Variants in CDKN1B observed in about 807,000 individuals in gnomAD.
CDKN1B encodes the protein cyclin-dependent kinase inhibitor 1B.
Under a neutral mutation model 17.1 loss-of-function variants are expected in CDKN1B, and 7 were observed. The ratio of observed to expected loss-of-function variants is 0.41; its 90% CI spans 0.23 to 0.77. CDKN1B has a LOEUF of 0.77. CDKN1B is among the 30% of genes least tolerant of loss of function. The pLI is 0.33. For missense variants in CDKN1B, 337 were observed against 262.0 expected, an observed-to-expected ratio of 1.29 and a Z score of -1.98; for synonymous variants, 149 against 104.3, an observed-to-expected ratio of 1.43 and a Z score of -2.61.
chr12:12,719,110 A>T, intron 2 of CDKN1B, 156 bp downstream of exon 2: 1 of 831,768 alleles, frequency 1.2e-6, no homozygotes, highest in Non-Finnish European at 1.9e-6. Context: ...AAGGCTGGGG[A>T]TACGGTAATT....
At position 12,718,249 on chromosome 12, in the gene CDKN1B, C is replaced by G. The variant is rs369871673; in HGVS notation, c.410C>G (p.Pro137Arg). The G allele has an allele frequency of 6.2e-7, 1 of 1,610,866 alleles. No individual in the cohort carries two copies. Among genetic ancestry groups the G allele is most frequent in the Non-Finnish European group, 8.5e-7 (1 of 1,179,896 alleles). ...CATTTGGTGGACCCAAAGACTGATCCGTCGGACAGCCAGACGGGGTTAGCG... is the reference window on the plus strand; with the variant it reads ...CATTTGGTGGACCCAAAGACTGATCGGTCGGACAGCCAGACGGGGTTAGCG... Reference protein sequence around the residue: ...DTHLVDPKTDPSDSQTGLAEQ... With the variant: ...DTHLVDPKTDRSDSQTGLAEQ... Residue 137 changes from proline to arginine, a missense_variant, in exon 1 of 3, where the codon CCG becomes CGG. Pro to Arg is a moderately radical substitution (Grantham distance 103, BLOSUM62 -2). Coordinates refer to ENST00000228872, the MANE Select transcript of CDKN1B (RefSeq NM_004064.5).
In CDKN1B at chr12:12,718,222, C is replaced by T. The variant is rs761235464; in HGVS notation, c.383C>T (p.Thr128Met). The T allele has an allele frequency of 8.1e-6, 13 of 1,612,672 alleles. No homozygotes were observed. In the African/African-American group the frequency reaches 1.1e-4, roughly 13 times the overall value. Residue 128 changes from threonine (T) to methionine (M), a missense_variant, in exon 1 of 3, where the codon ACG (threonine) becomes ATG (methionine). By Grantham distance (81) the Thr-to-Met change is moderately conservative. Transcript: ENST00000228872. ...LIGAPANSED[T>M]HLVDPKTDPS... is the part of the protein sequence containing the mutation. ...GGGGCTCCGGCTAACTCTGAGGACA[C>T]GCATTTGGTGGACCCAAAGACTGAT... is the stretch of plus-strand genomic sequence containing the variant.
intron 2 of CDKN1B, chr12:12,719,439 C>T (rs746590934): frequency 1.6e-4 from 31 of 199,114 alleles, no homozygotes; most frequent in East Asian, 1.1e-3. Flanking sequence ...TTTGGTTATG[C>T]AAGGGATTAG....
chr12:12,718,530 C>T (rs560309707), intron 1 of CDKN1B, among the ~76,000 whole-genome samples: 1 of 152,306 alleles, frequency 6.6e-6, no homozygotes, highest in Non-Finnish European at 1.5e-5. Context: ...ATTTCCCTAA[C>T]TTAATACATC....
At chr12:12,718,778 T>C (rs759221715) in intron 1 of CDKN1B, 47 bp from the exon 2 acceptor site, 3 of 1,612,048 alleles carry the variant, frequency 1.9e-6, no homozygotes, top group East Asian at 2.2e-5. Context: ...CATTGTTTTT[T>C]CTAATAAAGA....
rs1162994373 is a variant in CDKN1B at position 12,717,615 on chromosome 12, A to C, written c.-225A>C. 1 of 1,445,810 alleles carries C rather than the reference A, an allele frequency of 6.9e-7. No individual in the cohort carries two copies. Among genetic ancestry groups the C allele is most frequent in the African/African-American group, 1.4e-5 (1 of 69,798 alleles). 89.6% of individuals were successfully genotyped at this position (1,445,810 alleles called of 1,614,324 possible). ...TCTCCTCTCCGCCCTCCCGCTCGCC[A>C]GTCCATTTGATCAGCGGAGACTCGG... is the stretch of plus-strand genomic sequence containing the variant. On this transcript the variant is annotated 5_prime_UTR_variant, in exon 1 of 3. Transcript: ENST00000228872.
At position 12,718,283 on chromosome 12, in the gene CDKN1B, C is replaced by A. The variant is rs1302236491; in HGVS notation, c.444C>A (p.Cys148Ter). The change falls in exon 1 of 3, where the codon TGC (cysteine) becomes TGA (stop). Residue 148 changes from cysteine to a stop codon, truncating the protein, a stop_gained. Transcript: ENST00000228872. LOFTEE classifies it high-confidence loss of function. The part of the protein sequence containing the change: ...SDSQTGLAEQ[C>*]AGIRKRPATD... ...GCCAGACGGGGTTAGCGGAGCAATGCGCAGGAATAAGGAAGCGACCTGCAA... is the reference window on the plus strand; with the variant it reads ...GCCAGACGGGGTTAGCGGAGCAATGAGCAGGAATAAGGAAGCGACCTGCAA... 6.2e-7 allele frequency: 1 copy of A among 1,606,188 alleles called. No individual in the cohort carries two copies. The highest frequency in any genetic ancestry group is 8.5e-7 in the Non-Finnish European group (1 of 1,179,968).
chr12:12,717,915 C>T lies in CDKN1B; in HGVS notation c.76C>T (p.Pro26Ser), dbSNP rs2136355486. 4 of 1,614,172 alleles carry T rather than the reference C, an allele frequency of 2.5e-6. No individual in the cohort carries two copies. Among genetic ancestry groups the T allele is most frequent in the Non-Finnish European group, 2.5e-6 (3 of 1,180,034 alleles). Residue 26 changes from proline (P) to serine (S), a missense_variant, in exon 1 of 3, where the codon CCC becomes TCC. Transcript: ENST00000228872. ...CGCCAGGCAGGCGGAGCACCCCAAG[C>T]CCTCGGCCTGCAGGAACCTCTTCGG... Reference protein sequence around the residue: ...MDARQAEHPKPSACRNLFGPV... With the variant: ...MDARQAEHPKSSACRNLFGPV...
At chr12:12,720,611 T>A (rs1467384497) in intron 2 of CDKN1B, among the ~76,000 whole-genome samples, 1 of 152,126 alleles carries the variant, frequency 6.6e-6, no homozygotes, top group Non-Finnish European at 1.5e-5. Flanking sequence ...TTATTTAGAG[T>A]AGGGTTTCTC....
At position 12,721,038 on chromosome 12, in the gene CDKN1B, T is replaced by C. The variant is rs1385207522; in HGVS notation, c.*11T>C. The C allele has an allele frequency of 2.8e-6, 2 of 712,080 alleles. No individual in the cohort carries two copies. Among genetic ancestry groups the C allele is most frequent in the Non-Finnish European group, 2.6e-6 (1 of 386,856 alleles). 44.1% of individuals were successfully genotyped at this position (712,080 alleles called of 1,614,324 possible). A position where few individuals can be genotyped will look rare whatever the true frequency, so the allele number is the denominator to read the frequency against. On this transcript the variant is annotated splice_region_variant and 3_prime_UTR_variant, in exon 3 of 3. Transcript: ENST00000228872. The stretch of plus-strand genomic sequence containing the variant: ...TTCCGTTTTGTTTTCTTTTGCAGAA[T>C]TAAGAATATGTTTCCTTGTTTATCA...
chr12:12,717,914 G>A lies in CDKN1B; in HGVS notation c.75G>A (p.Lys25=), dbSNP rs367611328. The A allele has an allele frequency of 1.4e-4, 222 of 1,614,088 alleles. No individual in the cohort carries two copies. The highest frequency in any genetic ancestry group is 1.7e-4 in the Non-Finnish European group (196 of 1,180,060). ...ACGCCAGGCAGGCGGAGCACCCCAA[G>A]CCCTCGGCCTGCAGGAACCTCTTCG... ...RMDARQAEHP[K]PSACRNLFGP... Residue 25 remains lysine (K), a synonymous_variant, in exon 1 of 3, where the codon AAG becomes AAA. Coordinates refer to ENST00000228872, the MANE Select transcript of CDKN1B (RefSeq NM_004064.5).
chr12:12,717,422 T>C lies in CDKN1B; in HGVS notation c.-418T>C, dbSNP rs1946475203. Reference sequence around the variant, plus strand: ...TATTGGGCCACTAAAAAAAGGGGGCTCGTCTTTTCGGGGTGTTTTTCTCCC... The same window carrying C: ...TATTGGGCCACTAAAAAAAGGGGGCCCGTCTTTTCGGGGTGTTTTTCTCCC... On this transcript the variant is annotated 5_prime_UTR_variant, in exon 1 of 3. Transcript: ENST00000228872. 1.6e-6 allele frequency: 2 copies of C among 1,222,110 alleles called. No homozygotes were observed. Among genetic ancestry groups the C allele is most frequent in the Admixed American group, 4.1e-5 (1 of 24,256 alleles). The allele number at this position is 1,222,110 out of a possible 1,614,324, so 75.7% of individuals were successfully genotyped here.
chr12:12,719,083 A>G (rs542173844), intron 2 of CDKN1B, 129 bp downstream of exon 2: 1 of 1,139,474 alleles, frequency 8.8e-7, no homozygotes, highest in East Asian at 2.5e-5. Context: ...CGTGAGGTCA[A>G]AAAAGTAGCA....
At chr12:12,719,690 C>T (rs545680350) in intron 2 of CDKN1B, among the ~76,000 whole-genome samples, 5 of 152,246 alleles carry the variant, frequency 3.3e-5, no homozygotes, top group African/African-American at 7.2e-5. Context: ...GCTAATTGTG[C>T]CGTAACAGGG....
Position 12,718,319 on chromosome 12 carries a change from T to C in CDKN1B, c.475+5T>C, listed in dbSNP as rs781394293. 12 of 1,599,816 alleles carry C rather than the reference T, an allele frequency of 7.5e-6. No individual in the cohort carries two copies. The Admixed American group carries it at 1.8e-4, about 24-fold the overall frequency. On this transcript the variant is annotated splice_donor_5th_base_variant and intron_variant, in intron 1 of 2. Transcript: ENST00000228872. Reference sequence around the variant, plus strand: ...GGAAGCGACCTGCAACCGACGGTAATGACCCTTTCCCAACCATAGAATGTG... The same window carrying C: ...GGAAGCGACCTGCAACCGACGGTAACGACCCTTTCCCAACCATAGAATGTG...
At chr12:12,718,712 G>T in intron 1 of CDKN1B, 113 bp from the exon 2 acceptor site, 2 of 1,209,804 alleles carry the variant, frequency 1.7e-6, no homozygotes, top group Non-Finnish European at 2.4e-6. Flanking sequence ...ATCCAGGATT[G>T]TGGGTGGAGG....
chr12:12,720,114 A>G (rs1465825034), intron 2 of CDKN1B, among the ~76,000 whole-genome samples: 1 of 152,224 alleles, frequency 6.6e-6, no homozygotes, highest in African/African-American at 2.4e-5. Flanking sequence ...AAACGGCACT[A>G]TAGAACCTCC....
In CDKN1B at chr12:12,721,099, C is replaced by G. The variant is rs763422475; in HGVS notation, c.*72C>G. On this transcript the variant is annotated 3_prime_UTR_variant, in exon 3 of 3. Transcript: ENST00000228872. ...TGCTTGATGAAGCAAGGAAGATATA[C>G]ATGAAAATTTTAAAAATACATATCG... The G allele has an allele frequency of 2.2e-5, 17 of 771,534 alleles. No homozygotes were observed. Among genetic ancestry groups the G allele is most frequent in the African/African-American group, 2.0e-4 (12 of 58,934 alleles). 47.8% of individuals were successfully genotyped at this position (771,534 alleles called of 1,614,324 possible).
intron 1 of CDKN1B, 146 bp downstream of exon 1, chr12:12,718,460 G>A: frequency 1.3e-6 from 1 of 742,738 alleles, no homozygotes; most frequent in East Asian, 2.7e-5. Context: ...GTGCTACCTG[G>A]CCCACTGCTT....
Sources: allele counts gnomAD v4.1 joint callset (sites outside exome capture counted in the v4.1 genomes callset), GRCh38; gene constraint gnomAD v4.1.1; transcripts MANE v1.5; gene names NCBI Gene and HGNC (gene_info 2026-07-23, HGNC 2026-07-21).